The following DNAH6 variants were observed in gnomAD, a reference collection of about 807,000 sequenced individuals.
DNAH6 encodes the protein axonemal beta dynein heavy chain 6.
In DNAH6, 340 loss-of-function variants were observed where a neutral mutation model predicts 491.4. The ratio of observed to expected loss-of-function variants is 0.69; its 90% CI spans 0.63 to 0.76. DNAH6 has a LOEUF of 0.76. Among genes scored for constraint, DNAH6 ranks in the 30% least tolerant of loss-of-function variants. The probability of loss-of-function intolerance (pLI) is 0.00; values close to 1 mark genes in which losing one functional copy is unlikely to be tolerated. For synonymous variants in DNAH6, 1,603 were observed against 1,686.1 expected, an observed-to-expected ratio of 0.95 and a Z score of 1.21; for missense variants, 4,443 against 4,972.2, an observed-to-expected ratio of 0.89 and a Z score of 3.20.
At chr2:84,598,160 T>TTTCTTTCTTTCTTTCC (rs1684846164) in intron 18 of DNAH6, among the ~76,000 whole-genome samples, 1 of 64,138 alleles carries the variant, frequency 1.6e-5, no homozygotes, top group African/African-American at 4.3e-5. Flanking sequence ...TCTTTCTTTC[T>TTTCTTTCTTTCTTTCC]TTCTTTCTTT....
chr2:84,807,197 A>T (rs1204782004), intron 71 of DNAH6, among the ~76,000 whole-genome samples: 2 of 152,204 alleles, frequency 1.3e-5, no homozygotes, highest in East Asian at 3.9e-4. Context: ...AAGACCAGGG[A>T]CATGTAACCA....
At chr2:84,748,737 G>T (rs987896196) in intron 63 of DNAH6, among the ~76,000 whole-genome samples, 1 of 152,124 alleles carries the variant, frequency 6.6e-6, no homozygotes, top group African/African-American at 2.4e-5. Context: ...TATCTTTGTA[G>T]CAATGCCCCA....
At chr2:84,617,710 A>G (rs1361472473) in intron 23 of DNAH6, among the ~76,000 whole-genome samples, 1 of 151,972 alleles carries the variant, frequency 6.6e-6, no homozygotes, top group Non-Finnish European at 1.5e-5. Context: ...GTGTGTGTAT[A>G]TGTGCACAAA....
intron 12 of DNAH6, among the ~76,000 whole-genome samples, chr2:84,576,018 A>T (rs1242066124): frequency 6.6e-6 from 1 of 152,200 alleles, no homozygotes; most frequent in East Asian, 1.9e-4. Context: ...GGACCAAATA[A>T]ATGGTTCCCA....
chr2:84,649,563 T>G (rs1690220922), intron 33 of DNAH6, among the ~76,000 whole-genome samples: 1 of 152,082 alleles, frequency 6.6e-6, no homozygotes, highest in Non-Finnish European at 1.5e-5. Context: ...GATTCTGGAG[T>G]GACAGTTCTT....
At chr2:84,464,663 C>A in the DNAH6 span, among the ~76,000 whole-genome samples, 1 of 152,162 alleles carries the variant, frequency 6.6e-6, no homozygotes, top group Admixed American at 6.5e-5. Context: ...TATAGGGTAA[C>A]TTCCTGATGT....
At chr2:84,594,291 A>G (rs377372663) in intron 17 of DNAH6, among the ~76,000 whole-genome samples, 13 of 152,256 alleles carry the variant, frequency 8.5e-5, no homozygotes, top group East Asian at 1.9e-4. Flanking sequence ...CAGGCTCCAT[A>G]TTAGAAGGCT....
At chr2:84,579,354 CTT>C (rs1682785859) in intron 13 of DNAH6, among the ~76,000 whole-genome samples, 171 bp from the exon 14 acceptor site, 1 of 152,186 alleles carries the variant, frequency 6.6e-6, no homozygotes. Context: ...AAAACCTGGC[CTT>C]CCTGTTGGCT....
chr2:84,636,498 T>G (rs1425396817), intron 30 of DNAH6, among the ~76,000 whole-genome samples: 2 of 152,170 alleles, frequency 1.3e-5, no homozygotes, highest in African/African-American at 2.4e-5. Context: ...TGGGAGTTTC[T>G]GGAGATCTCA....
chr2:84,598,995 A>G (rs977860637), intron 18 of DNAH6, among the ~76,000 whole-genome samples: 2 of 145,006 alleles, frequency 1.4e-5, no homozygotes, highest in South Asian at 2.1e-4. Flanking sequence ...GCGCCACTGT[A>G]CTCAGGCATG....
At chr2:84,683,015 G>A (rs796590996) in intron 42 of DNAH6, among the ~76,000 whole-genome samples, 9 of 152,166 alleles carry the variant, frequency 5.9e-5, no homozygotes, top group African/African-American at 2.2e-4. Context: ...CCTGAAATCG[G>A]GCCTGCCCAG....
chr2:84,796,277 A>G lies in DNAH6; in HGVS notation c.11240-29A>G, dbSNP rs527942056. ...GCCTATCAATTTTTTAAAAACAGCA[A>G]TAATTTCAAAATACAAATTTCTTTT... On this transcript the variant is annotated intron_variant, in intron 68 of 76. Transcript: ENST00000389394. The G allele has an allele frequency of 4.2e-5, 60 of 1,423,386 alleles. No individual in the cohort carries two copies. The African/African-American group carries it at 8.4e-4, about 20-fold the overall frequency. 88.2% of individuals were successfully genotyped at this position (1,423,386 alleles called of 1,614,324 possible). A position where few individuals can be genotyped will look rare whatever the true frequency, so the allele number is the denominator to read the frequency against.
chr2:84,703,068 T>C (rs1187201947), intron 49 of DNAH6, among the ~76,000 whole-genome samples: 3 of 152,208 alleles, frequency 2.0e-5, no homozygotes, highest in Non-Finnish European at 4.4e-5. Context: ...CATCTGGACC[T>C]GTTCCTCACT....
At chr2:84,581,562 T>C (rs148383648) in intron 14 of DNAH6, among the ~76,000 whole-genome samples, 2 of 152,250 alleles carry the variant, frequency 1.3e-5, no homozygotes, top group East Asian at 3.9e-4. Flanking sequence ...GTGTGGAGGA[T>C]GGAATATTTA....
chr2:84,624,451 T>C lies in DNAH6; in HGVS notation c.4198-14T>C. 1 of 1,551,258 alleles carries C rather than the reference T, an allele frequency of 6.4e-7. No individual in the cohort carries two copies. The highest frequency in any genetic ancestry group is 8.7e-7 in the Non-Finnish European group (1 of 1,146,732). On this transcript the variant is annotated splice_polypyrimidine_tract_variant and intron_variant, in intron 27 of 76. Transcript: ENST00000389394. The stretch of plus-strand genomic sequence containing the variant: ...TTCTGAAATTAGTGTATCTAATATG[T>C]ATATCACATATAGGTGGAGACAGTT...
chr2:84,508,034 T>C, the DNAH6 span, among the ~76,000 whole-genome samples: 1 of 152,194 alleles, frequency 6.6e-6, no homozygotes. Context: ...TTCTCTTTTT[T>C]GGTTGTGTCT....
chr2:84,589,670 A>C (rs1449381230), intron 16 of DNAH6, among the ~76,000 whole-genome samples: 143 of 147,698 alleles, frequency 9.7e-4, no homozygotes, highest in Non-Finnish European at 1.3e-3. Flanking sequence ...CAAGATCGTG[A>C]CACCGCACTG....
At position 84,587,314 on chromosome 2, in the gene DNAH6, C is replaced by T. The variant is rs191753356; in HGVS notation, c.2482-1512C>T. On this transcript the variant is annotated intron_variant, in intron 15 of 76. Coordinates refer to ENST00000389394, the MANE Select transcript of DNAH6 (RefSeq NM_001370.2). ...TTATTTTTTATGGCTTCATAGTGTT[C>T]CGTGTGTCCACATACCAGATTTTCT... Among the ~76,000 whole-genome samples, 402 of 152,302 alleles carry T rather than the reference C, an allele frequency of 2.6e-3. 3 individuals are homozygous for T. The highest frequency in any genetic ancestry group is 0.024 in the Admixed American group (364 of 15,294).
At chr2:84,817,523 C>T (rs1223985208) in intron 76 of DNAH6, among the ~76,000 whole-genome samples, 1 of 151,998 alleles carries the variant, frequency 6.6e-6, no homozygotes, top group African/African-American at 2.4e-5. Flanking sequence ...GTCCCAGCTA[C>T]TCAGGAGGCT....
Sources: allele counts gnomAD v4.1 joint callset (sites outside exome capture counted in the v4.1 genomes callset), GRCh38; gene constraint gnomAD v4.1.1; transcripts MANE v1.5; gene names NCBI Gene and HGNC (gene_info 2026-07-23, HGNC 2026-07-21).